PIP4K2A: variants seen among roughly 807,000 people sequenced by gnomAD.
The protein encoded by PIP4K2A is phosphatidylinositol-5-phosphate 4-kinase type 2 alpha.
PIP4K2A carries 14 observed loss-of-function variants against 42.9 expected under a neutral mutation model. The ratio of observed to expected loss-of-function variants is 0.33; its 90% CI spans 0.22 to 0.51. The LOEUF is 0.51. Ranked by LOEUF, PIP4K2A falls within the 20% of genes least tolerant of loss-of-function variation. The pLI is 0.97. For synonymous variants in PIP4K2A, 192 were observed against 192.2 expected, an observed-to-expected ratio of 1.00 and a Z score of 0.01; for missense variants, 434 against 519.8, an observed-to-expected ratio of 0.83 and a Z score of 1.61.
chr10:22,622,745 G>A (rs769554581), intron 1 of PIP4K2A, among the ~76,000 whole-genome samples: 11 of 152,128 alleles, frequency 7.2e-5, no homozygotes, highest in Non-Finnish European at 1.5e-4. Flanking sequence ...GGACATGGGA[G>A]GAAAGCCTTT....
intron 1 of PIP4K2A, among the ~76,000 whole-genome samples, chr10:22,682,535 A>G (rs960712511): frequency 6.6e-6 from 1 of 151,546 alleles, no homozygotes; most frequent in Non-Finnish European, 1.5e-5. Context: ...CCATGAACCT[A>G]AAAAAAAAGT....
chr10:22,608,095 C>T (rs1837948722), intron 2 of PIP4K2A, 72 bp from the exon 3 acceptor site: 2 of 955,514 alleles, frequency 2.1e-6, no homozygotes, highest in Non-Finnish European at 1.7e-6. Context: ...CACTGAGTTC[C>T]ACAGGTAGCC....
At chr10:22,560,568 G>T (rs1836664771) in intron 6 of PIP4K2A, among the ~76,000 whole-genome samples, 1 of 152,218 alleles carries the variant, frequency 6.6e-6, no homozygotes, top group African/African-American at 2.4e-5. Flanking sequence ...AATTCACAGT[G>T]CCTGAGAATC....
intron 1 of PIP4K2A, among the ~76,000 whole-genome samples, chr10:22,637,130 G>A (rs904070897): frequency 2.6e-5 from 4 of 152,134 alleles, no homozygotes; most frequent in Admixed American, 6.5e-5. Flanking sequence ...AAGAGCAAAC[G>A]TCAAACAAGC....
At chr10:22,663,352 C>CCGTCTAAACA (rs1839244777) in intron 1 of PIP4K2A, among the ~76,000 whole-genome samples, 1 of 152,148 alleles carries the variant, frequency 6.6e-6, no homozygotes, top group Admixed American at 6.5e-5. Flanking sequence ...TGTTCACTAC[C>CCGTCTAAACA]TTGATTCTCC....
chr10:22,580,432 T>C (rs1288674902), intron 4 of PIP4K2A, among the ~76,000 whole-genome samples: 1 of 151,968 alleles, frequency 6.6e-6, no homozygotes, highest in Non-Finnish European at 1.5e-5. Context: ...GGCGGATTAC[T>C]TGAGCCCAGG....
chr10:22,658,112 T>C (rs745655883), intron 1 of PIP4K2A, among the ~76,000 whole-genome samples: 5 of 152,212 alleles, frequency 3.3e-5, no homozygotes, highest in Non-Finnish European at 7.3e-5. Flanking sequence ...ACAGGGAAAA[T>C]GTTTCTTAAA....
intron 1 of PIP4K2A, among the ~76,000 whole-genome samples, chr10:22,616,423 T>G (rs1838179550): frequency 1.3e-5 from 2 of 152,154 alleles, no homozygotes; most frequent in Admixed American, 1.3e-4. Flanking sequence ...ATTACACAGA[T>G]AAGGAAATTG....
intron 1 of PIP4K2A, among the ~76,000 whole-genome samples, chr10:22,640,771 C>A (rs1359065466): frequency 2.6e-5 from 4 of 152,094 alleles, no homozygotes; most frequent in Non-Finnish European, 5.9e-5. Context: ...GTTTTGTATT[C>A]CCTAATGCAA....
At chr10:22,543,267 C>A (rs1289330363) in intron 7 of PIP4K2A, among the ~76,000 whole-genome samples, 1 of 152,198 alleles carries the variant, frequency 6.6e-6, no homozygotes, top group Non-Finnish European at 1.5e-5. Flanking sequence ...CTGGTGCCTG[C>A]AATTCTCCAT....
In PIP4K2A at chr10:22,571,453, T is replaced by C. The variant is rs370089549; in HGVS notation, c.639+1858A>G. The stretch of plus-strand genomic sequence containing the variant: ...TATGTAAAAGACTTTTCTGATGACA[T>C]TGGTGGTAACACTGTTATGACTTTT... On this transcript the variant is annotated intron_variant, in intron 5 of 9. Coordinates refer to ENST00000376573, the MANE Select transcript of PIP4K2A (RefSeq NM_005028.5). 7.2e-5 allele frequency among the ~76,000 whole-genome samples: 11 copies of C among 152,372 alleles called. No individual in the cohort carries two copies. The East Asian group carries it at 1.2e-3, about 16-fold the overall frequency.
intron 1 of PIP4K2A, among the ~76,000 whole-genome samples, chr10:22,613,522 C>T (rs1207344420): frequency 6.6e-6 from 1 of 152,054 alleles, no homozygotes; most frequent in African/African-American, 2.4e-5. Context: ...ATGGGGCTCC[C>T]GACCACTGGC....
At chr10:22,631,528 T>C (rs748206643) in intron 1 of PIP4K2A, among the ~76,000 whole-genome samples, 1 of 152,172 alleles carries the variant, frequency 6.6e-6, no homozygotes, top group Non-Finnish European at 1.5e-5. Flanking sequence ...CTTCCAGAAC[T>C]GGGAGATAAT....
chr10:22,624,953 C>T (rs935428538), intron 1 of PIP4K2A, among the ~76,000 whole-genome samples: 2 of 152,110 alleles, frequency 1.3e-5, no homozygotes, highest in African/African-American at 4.8e-5. Flanking sequence ...GAGTTTCAAA[C>T]CCATTTGTTA....
At chr10:22,596,601 A>G (rs555271244) in intron 3 of PIP4K2A, among the ~76,000 whole-genome samples, 7 of 152,340 alleles carry the variant, frequency 4.6e-5, no homozygotes, top group African/African-American at 7.2e-5. Flanking sequence ...GAATCACAGC[A>G]TGATGTTGGA....
chr10:22,695,028 T>C (rs1839941775), intron 1 of PIP4K2A, among the ~76,000 whole-genome samples: 1 of 152,198 alleles, frequency 6.6e-6, no homozygotes, highest in Non-Finnish European at 1.5e-5. Context: ...AGGTAACTTT[T>C]TGAGCTATTA....
At position 22,693,165 on chromosome 10, in the gene PIP4K2A, T is replaced by G. The variant is rs376450260; in HGVS notation, c.144+21018A>C. Among the ~76,000 whole-genome samples the G allele has an allele frequency of 6.6e-5, 10 of 152,352 alleles. No homozygotes were observed. In the East Asian group the frequency reaches 1.3e-3, roughly 21 times the overall value. On this transcript the variant is annotated intron_variant, in intron 1 of 9. Coordinates refer to ENST00000376573, the MANE Select transcript of PIP4K2A (RefSeq NM_005028.5). Reference sequence around the variant, plus strand: ...GACAAGGATAGTTAGATCACAGATTTGTCAAGGTTGCTAAGAAATTCAAAC... The same window carrying G: ...GACAAGGATAGTTAGATCACAGATTGGTCAAGGTTGCTAAGAAATTCAAAC...
At chr10:22,599,917 T>A (rs1345639339) in intron 3 of PIP4K2A, among the ~76,000 whole-genome samples, 1 of 152,218 alleles carries the variant, frequency 6.6e-6, no homozygotes. Flanking sequence ...TCCTTTCCCT[T>A]AAGAAAAGGA....
At chr10:22,592,318 G>A (rs1469641924) in intron 3 of PIP4K2A, among the ~76,000 whole-genome samples, 1 of 152,176 alleles carries the variant, frequency 6.6e-6, no homozygotes, top group Non-Finnish European at 1.5e-5. Flanking sequence ...TAGCTAATAA[G>A]GGAAGAGCTA....
Sources: allele counts gnomAD v4.1 joint callset (sites outside exome capture counted in the v4.1 genomes callset), GRCh38; gene constraint gnomAD v4.1.1; transcripts MANE v1.5; gene names NCBI Gene and HGNC (gene_info 2026-07-23, HGNC 2026-07-21).